Variants in ZNF782 observed in about 807,000 individuals in gnomAD.
ZNF782 encodes the protein zinc finger protein 782.
ZNF782 carries 12 observed loss-of-function variants against 13.0 expected under a neutral mutation model. The ratio of observed to expected loss-of-function variants is 0.92; its 90% confidence interval spans 0.59 to 1.50. The LOEUF (loss-of-function observed/expected upper bound fraction) is 1.50, where lower values mean the gene tolerates loss of function less well. Ranked by LOEUF, ZNF782 falls within the 40% of genes most tolerant of loss-of-function variation. ZNF782 has a pLI of 0.00. For synonymous variants in ZNF782, 284 were observed against 283.0 expected, an observed-to-expected ratio of 1.00 and a Z score of -0.04; for missense variants, 770 against 822.9, an observed-to-expected ratio of 0.94 and a Z score of 0.79.
At chr9:96,849,129 T>C (rs1374295013) in intron 3 of ZNF782, among the ~76,000 whole-genome samples, 1 of 152,198 alleles carries the variant, frequency 6.6e-6, no homozygotes, top group African/African-American at 2.4e-5. Flanking sequence ...CAGGAACTGG[T>C]TTCCTGGAAG....
At chr9:96,918,238 T>C in the ZNF782 span, among the ~76,000 whole-genome samples, 1 of 150,288 alleles carries the variant, frequency 6.7e-6, no homozygotes, top group Non-Finnish European at 1.5e-5. Flanking sequence ...CTGTCTGTAC[T>C]AAAGATACAA....
intron 5 of ZNF782, among the ~76,000 whole-genome samples, chr9:96,822,853 T>C (rs1850473252): frequency 6.6e-6 from 1 of 152,214 alleles, no homozygotes; most frequent in South Asian, 2.1e-4. Flanking sequence ...TTTAAAGATA[T>C]ATATTCCTTA....
At chr9:96,926,751 G>A in the ZNF782 span, among the ~76,000 whole-genome samples, 2 of 152,162 alleles carry the variant, frequency 1.3e-5, no homozygotes, top group African/African-American at 4.8e-5. Context: ...GCCTGCCCCT[G>A]CAGTGTGGCC....
At chr9:96,837,055 C>G (rs1432104281) in intron 4 of ZNF782, among the ~76,000 whole-genome samples, 1 of 152,164 alleles carries the variant, frequency 6.6e-6, no homozygotes, top group African/African-American at 2.4e-5. Context: ...GTATTCTGTT[C>G]TAGCAACACA....
intron 1 of ZNF782, among the ~76,000 whole-genome samples, chr9:96,868,707 G>A (rs901006995): frequency 6.6e-6 from 1 of 152,162 alleles, no homozygotes; most frequent in Non-Finnish European, 1.5e-5. Context: ...AAAGAGAACT[G>A]GGAAAGTTGA....
the ZNF782 span, chr9:96,888,358 A>AC: frequency 6.6e-6 from 1 of 152,186 alleles, no homozygotes; most frequent in Non-Finnish European, 1.5e-5. Flanking sequence ...AAATGGTTTT[A>AC]CATGTGTACA....
chr9:96,884,676 TGAA>T, the ZNF782 span, among the ~76,000 whole-genome samples: 2 of 152,086 alleles, frequency 1.3e-5, no homozygotes, highest in Non-Finnish European at 2.9e-5. Context: ...GACTGTGGGA[TGAA>T]GAAGGACTTG....
At chr9:96,823,702 T>C (rs964876103) in intron 5 of ZNF782, among the ~76,000 whole-genome samples, 1 of 152,246 alleles carries the variant, frequency 6.6e-6, no homozygotes, top group Non-Finnish European at 1.5e-5. Flanking sequence ...AACCGTATTT[T>C]GAACTTCTCA....
At chr9:96,837,375 C>T (rs1851034446) in intron 4 of ZNF782, among the ~76,000 whole-genome samples, 1 of 152,146 alleles carries the variant, frequency 6.6e-6, no homozygotes, top group South Asian at 2.1e-4. Context: ...TGTAGAATTG[C>T]TAATACTGTC....
At chr9:96,839,186 G>C (rs1011421463) in intron 4 of ZNF782, among the ~76,000 whole-genome samples, 3 of 151,588 alleles carry the variant, frequency 2.0e-5, no homozygotes, top group Non-Finnish European at 4.4e-5. Context: ...ATAGTGTTTA[G>C]CTAGGGTAGG....
the ZNF782 span, among the ~76,000 whole-genome samples, chr9:96,885,925 T>C: frequency 6.6e-6 from 1 of 152,148 alleles, no homozygotes; most frequent in East Asian, 1.9e-4. Flanking sequence ...ATGGCTTACT[T>C]CAGCCTCAAC....
At chr9:96,883,530 G>A in the ZNF782 span, among the ~76,000 whole-genome samples, 5 of 152,074 alleles carry the variant, frequency 3.3e-5, no homozygotes, top group African/African-American at 4.8e-5. Context: ...TAGACTAAAG[G>A]GACGGAGGAG....
intron 2 of ZNF782, chr9:96,860,423 A>AAG (rs538852322): frequency 6.6e-6 from 1 of 152,422 alleles, no homozygotes; most frequent in Non-Finnish European, 1.5e-5. Context: ...GCCTAGCACA[A>AAG]AGAGAGAGAG....
the ZNF782 span, among the ~76,000 whole-genome samples, chr9:96,906,295 A>G: frequency 6.7e-6 from 1 of 148,958 alleles, no homozygotes; most frequent in Non-Finnish European, 1.5e-5. Context: ...GTAAGTAACC[A>G]CCTCTGCAGC....
At chr9:96,855,720 T>C (rs1243833781), upstream of ZNF782, among the ~76,000 whole-genome samples, 1 of 152,268 alleles carries the variant, frequency 6.6e-6, no homozygotes, top group African/African-American at 2.4e-5. Context: ...TAACCATGCA[T>C]GTGCAAGTAT....
the ZNF782 span, among the ~76,000 whole-genome samples, chr9:96,905,888 C>A: frequency 6.6e-6 from 1 of 152,088 alleles, no homozygotes; most frequent in Non-Finnish European, 1.5e-5. Flanking sequence ...CCGGCCTATT[C>A]CTCTACTTTC....
intron 4 of ZNF782, among the ~76,000 whole-genome samples, chr9:96,833,708 G>C (rs1024765640): frequency 1.3e-5 from 2 of 152,104 alleles, no homozygotes; most frequent in Admixed American, 1.3e-4. Flanking sequence ...CTGTCACCAG[G>C]CACAGTCCAC....
the ZNF782 span, chr9:96,890,966 T>G: frequency 6.6e-6 from 1 of 152,208 alleles, no homozygotes; most frequent in South Asian, 2.1e-4. Flanking sequence ...AACAAGATTC[T>G]GATACATGTA....
In ZNF782 at chr9:96,827,103, CCTTTCT is replaced by C; in HGVS notation, c.215_220del (p.Glu72_Lys73del). 6.2e-7 allele frequency: 1 copy of C among 1,611,626 alleles called. No individual in the cohort carries two copies. The highest frequency in any genetic ancestry group is 1.3e-5 in the African/African-American group (1 of 74,958). ...ACCTGGGGAGTTCCTGCTTAGAAAT[CCTTTCT>C]CTTTCTCTAATAACCATGGATCTTC... is the stretch of plus-strand genomic sequence containing the variant. On this transcript the variant is annotated inframe_deletion, in exon 5 of 6. Transcript: ENST00000481138.
Sources: allele counts gnomAD v4.1 joint callset (sites outside exome capture counted in the v4.1 genomes callset), GRCh38; gene constraint gnomAD v4.1.1; transcripts MANE v1.5; gene names NCBI Gene and HGNC (gene_info 2026-07-23, HGNC 2026-07-21).